The following COLGALT1 variants were observed in gnomAD, a reference collection of about 807,000 sequenced individuals.
COLGALT1 encodes the protein collagen beta(1-O)galactosyltransferase 1.
Under a neutral mutation model 60.8 loss-of-function variants are expected in COLGALT1, and 43 were observed. The observed-to-expected ratio is 0.71, with a 90% CI of 0.55 to 0.91. COLGALT1 has a LOEUF of 0.91. Ranked by LOEUF, COLGALT1 falls within the 40% of genes least tolerant of loss-of-function variation. COLGALT1 has a pLI of 0.00. For missense variants in COLGALT1, 845 were observed against 880.0 expected (o/e 0.96, Z 0.50); for synonymous variants, 369 against 374.2 (o/e 0.99, Z 0.16).
In COLGALT1 at chr19:17,581,477, G is replaced by A. The variant is rs372447597; in HGVS notation, c.*33G>A. 109 of 1,587,744 alleles carry A rather than the reference G, an allele frequency of 6.9e-5. No individual in the cohort carries two copies. The highest frequency in any genetic ancestry group is 2.0e-4 in the Admixed American group (12 of 59,180). On this transcript the variant is annotated 3_prime_UTR_variant, in exon 12 of 12. Transcript: ENST00000252599. ...CAGCCAGAAAGCCAAAGCAGCCATC[G>A]GTGGCCCAGGCTCCACGTGCTTACT...
Position 17,581,249 on chromosome 19 carries a change from C to A in COLGALT1, c.1674C>A (p.Pro558=), listed in dbSNP as rs781675245. The change falls in exon 12 of 12, where the codon CCC becomes CCA. Residue 558 remains proline (P), a synonymous_variant. Coordinates refer to ENST00000252599, the MANE Select transcript of COLGALT1 (RefSeq NM_024656.4). ...CTGTGGAGCCGCTGCTCATCTACCC[C>A]ACACACTACACAGGAGACGATGGCT... is the stretch of plus-strand genomic sequence containing the variant. ...AFSVEPLLIY[P]THYTGDDGYV... 1 of 1,611,592 alleles carries A rather than the reference C, an allele frequency of 6.2e-7. No homozygotes were observed. Among genetic ancestry groups the A allele is most frequent in the Non-Finnish European group, 8.5e-7 (1 of 1,179,984 alleles).
chr19:17,555,847 C>T lies in COLGALT1; in HGVS notation c.134C>T (p.Pro45Leu), dbSNP rs1437549251. 3 of 1,356,018 alleles carry T rather than the reference C, an allele frequency of 2.2e-6. No homozygotes were observed. The highest frequency in any genetic ancestry group is 3.1e-5 in the East Asian group (1 of 32,108). 84.0% of individuals were successfully genotyped at this position (1,356,018 alleles called of 1,614,324 possible). A position where few individuals can be genotyped will look rare whatever the true frequency, so the allele number is the denominator to read the frequency against. ...DAYFPEERWSPESPLQAPRVL... is the reference protein window; with the variant it reads ...DAYFPEERWSLESPLQAPRVL... ...TACTTCCCCGAGGAGCGCTGGAGCC[C>T]GGAGTCGCCCCTGCAGGCGCCGCGC... Residue 45 changes from proline (P) to leucine (L), a missense_variant, in exon 1 of 12, where the codon CCG becomes CTG. Pro to Leu is a moderately conservative substitution (Grantham distance 98). Transcript: ENST00000252599.
intron 1 of COLGALT1, among the ~76,000 whole-genome samples, chr19:17,558,105 T>G (rs1331002197): frequency 6.6e-6 from 1 of 151,330 alleles, no homozygotes; most frequent in Non-Finnish European, 1.5e-5. Flanking sequence ...ACCCAGCTAA[T>G]TTTTTGTGTT....
At position 17,581,625 on chromosome 19, in the gene COLGALT1, C is replaced by T; in HGVS notation, c.*181C>T. On this transcript the variant is annotated 3_prime_UTR_variant, in exon 12 of 12. Coordinates refer to ENST00000252599, the MANE Select transcript of COLGALT1 (RefSeq NM_024656.4). The stretch of plus-strand genomic sequence containing the variant: ...ACAGGCAGCATTAATGGAGTGCCTA[C>T]TGCATGCCAGCAACAGGGCTTGGCC... The T allele has an allele frequency of 5.1e-6, 4 of 788,046 alleles. No individual in the cohort carries two copies. The highest frequency in any genetic ancestry group is 2.9e-5 in the Admixed American group (1 of 34,092). 48.8% of individuals were successfully genotyped at this position (788,046 alleles called of 1,614,324 possible).
At chr19:17,563,212 A>T (rs2076259545) in intron 3 of COLGALT1, among the ~76,000 whole-genome samples, 3 of 128,692 alleles carry the variant, frequency 2.3e-5, no homozygotes, top group African/African-American at 6.2e-5. Context: ...TTTTTTTGAG[A>T]CAGTGTCTCA....
intron 9 of COLGALT1, 101 bp downstream of exon 9, chr19:17,578,190 G>A (rs1401847919): frequency 7.4e-7 from 1 of 1,347,874 alleles, no homozygotes; most frequent in Non-Finnish European, 9.7e-7. Context: ...GCCCCGGCTA[G>A]GCATCCAGCC....
intron 6 of COLGALT1, among the ~76,000 whole-genome samples, chr19:17,575,824 C>T (rs2076337530): frequency 6.6e-6 from 1 of 152,138 alleles, no homozygotes. Flanking sequence ...CTTTTAAAAG[C>T]ACACAAGCCA....
intron 1 of COLGALT1, among the ~76,000 whole-genome samples, 166 bp downstream of exon 1, chr19:17,556,139 C>T (rs371265216): frequency 6.6e-6 from 1 of 152,110 alleles, no homozygotes; most frequent in Non-Finnish European, 1.5e-5. Flanking sequence ...CATGCCCCTG[C>T]CCGCTGCCCC....
chr19:17,577,270 A>T lies in COLGALT1; in HGVS notation c.1025A>T (p.Glu342Val), dbSNP rs2076349463. 6.2e-7 allele frequency: 1 copy of T among 1,611,644 alleles called. No homozygotes were observed. Among genetic ancestry groups the T allele is most frequent in the African/African-American group, 1.3e-5 (1 of 74,210 alleles). ...TKTPDKMGFD[E>V]VFMINLRRRQ... ...ACACCGGACAAGATGGGCTTCGACGAGGTGAGCTGGGCCTTCCCTGGAGGC... is the reference window on the plus strand; with the variant it reads ...ACACCGGACAAGATGGGCTTCGACGTGGTGAGCTGGGCCTTCCCTGGAGGC... The change falls in exon 7 of 12, where the codon GAG (glutamate) becomes GTG (valine). Residue 342 changes from glutamate (E) to valine (V), a missense_variant and splice_region_variant. Physicochemically the swap from Glu to Val is moderately radical, Grantham distance 121. Transcript: ENST00000252599.
At chr19:17,572,398 C>T in intron 5 of COLGALT1, 85 bp from the exon 6 acceptor site, 1 of 1,596,446 alleles carries the variant, frequency 6.3e-7, no homozygotes. Flanking sequence ...CCTGCGTTGG[C>T]CTCCTGAAGC....
rs142341182 is a variant in COLGALT1 at position 17,558,406 on chromosome 19, G to A, written c.261-905G>A. On this transcript the variant is annotated intron_variant, in intron 1 of 11. Transcript: ENST00000252599. ...ATACATTACAAAAATTGCCGTGTGCGGTGGCTCATTCCTGTCATCCCAGCA... is the reference window on the plus strand; with the variant it reads ...ATACATTACAAAAATTGCCGTGTGCAGTGGCTCATTCCTGTCATCCCAGCA... Among the ~76,000 whole-genome samples the A allele has an allele frequency of 5.0e-3, 755 of 150,430 alleles. 1 individual carries two copies. Among genetic ancestry groups the A allele is most frequent in the Middle Eastern group, 0.01 (3 of 294 alleles).
chr19:17,577,918 G>C, intron 8 of COLGALT1, 39 bp from the exon 9 acceptor site: 1 of 1,579,140 alleles, frequency 6.3e-7, no homozygotes, highest in Non-Finnish European at 8.6e-7. Context: ...TGGCAGGCAG[G>C]GTGAACCTTC....
intron 4 of COLGALT1, 24 bp from the exon 5 acceptor site, chr19:17,568,485 G>T: frequency 6.2e-7 from 1 of 1,602,642 alleles, no homozygotes; most frequent in South Asian, 1.1e-5. Context: ...ACCCCTACGC[G>T]GAACTCTCGC....
rs2076206102 is a variant in COLGALT1, at chr19:17,555,741, C to T, written c.28C>T (p.Arg10Trp). The T allele has an allele frequency of 2.5e-6, 3 of 1,206,854 alleles. No homozygotes were observed. The highest frequency in any genetic ancestry group is 3.1e-6 in the Non-Finnish European group (3 of 972,778). The allele number at this position is 1,206,854 out of a possible 1,614,324, so 74.8% of individuals were successfully genotyped here. A position where few individuals can be genotyped will look rare whatever the true frequency, so the allele number is the denominator to read the frequency against. The stretch of plus-strand genomic sequence containing the variant: ...GGCGGCGGCCCCACGCGCGGGCCGG[C>T]GGCGCGGGCAGCCGCTCCTGGCGCT... MAAAPRAGRRRGQPLLALLL... is the reference protein window; with the variant it reads MAAAPRAGRWRGQPLLALLL... Residue 10 changes from arginine (R) to tryptophan (W), a missense_variant, in exon 1 of 12, where the codon CGG becomes TGG. Transcript: ENST00000252599.
At chr19:17,577,003 T>TGAGAGGCAGGACGAGGGGCGGGG in intron 6 of COLGALT1, 192 bp from the exon 7 acceptor site, 1 of 587,596 alleles carries the variant, frequency 1.7e-6, no homozygotes, top group Non-Finnish European at 3.0e-6. Flanking sequence ...TGGCCAGGGC[T>TGAGAGGCAGGACGAGGGGCGGGG]TTGGGCTGCT....
intron 6 of COLGALT1, among the ~76,000 whole-genome samples, chr19:17,576,903 G>C (rs1195738265): frequency 1.1e-5 from 1 of 91,844 alleles, no homozygotes; most frequent in Non-Finnish European, 2.5e-5. Flanking sequence ...GTTGAGTAGC[G>C]GGGCCTTGGG....
rs1176953956 is a variant in COLGALT1, at chr19:17,572,362, T to C, written c.830-121T>C. 3 of 1,472,666 alleles carry C rather than the reference T, an allele frequency of 2.0e-6. No homozygotes were observed. The East Asian group carries it at 6.9e-5, about 34-fold the overall frequency. The allele number at this position is 1,472,666 out of a possible 1,614,324, so 91.2% of individuals were successfully genotyped here. A position where few individuals can be genotyped will look rare whatever the true frequency, so the allele number is the denominator to read the frequency against. ...TCTTGCTCTGTTGCCCAGGCTGGTC[T>C]CAGACACCTGACCTCAAGCGATCCT... On this transcript the variant is annotated intron_variant, in intron 5 of 11. Transcript: ENST00000252599.
At chr19:17,562,551 A>G (rs145769132) in intron 3 of COLGALT1, among the ~76,000 whole-genome samples, 225 of 152,170 alleles carry the variant, frequency 1.5e-3, no homozygotes, top group Non-Finnish European at 2.7e-3. Context: ...AACCCCAGCT[A>G]CTTGGGAGGC....
At chr19:17,557,340 C>T (rs144068319) in intron 1 of COLGALT1, among the ~76,000 whole-genome samples, 37 of 152,254 alleles carry the variant, frequency 2.4e-4, no homozygotes, top group South Asian at 1.0e-3. Context: ...CTTGCTCTGT[C>T]GCCCAGGCTG....
Sources: gnomAD v4.1 joint callset for allele counts (sites outside exome capture counted in the v4.1 genomes callset) on GRCh38, gnomAD v4.1.1 for gene constraint, MANE v1.5 for transcripts, NCBI Gene and HGNC (gene_info 2026-07-23, HGNC 2026-07-21) for gene names.